Variants in HS6ST3 observed in about 807,000 individuals in gnomAD.
The protein encoded by HS6ST3 is heparan sulfate 6-O-sulfotransferase 3.
A neutral mutation model predicts 36.7 loss-of-function variants in HS6ST3; 12 were observed. The observed-to-expected ratio is 0.33, with a 90% CI of 0.21 to 0.53. The LOEUF (loss-of-function observed/expected upper bound fraction) is 0.53. Ranked by LOEUF, HS6ST3 falls within the 20% of genes least tolerant of loss-of-function variation. The pLI is 0.95. For missense variants in HS6ST3, 584 were observed against 640.9 expected (o/e 0.91, Z 0.96); for synonymous variants, 240 against 257.5 (o/e 0.93, Z 0.65).
intron 1 of HS6ST3, among the ~76,000 whole-genome samples, chr13:96,660,326 T>C (rs2056642082): frequency 6.6e-6 from 1 of 152,126 alleles, no homozygotes; most frequent in Non-Finnish European, 1.5e-5. Flanking sequence ...ATTTTGAAAA[T>C]TGTAAATTAT....
At chr13:96,597,707 G>A (rs752151827) in intron 1 of HS6ST3, among the ~76,000 whole-genome samples, 3 of 151,560 alleles carry the variant, frequency 2.0e-5, no homozygotes, top group Non-Finnish European at 2.9e-5. Flanking sequence ...ATTTATTTTC[G>A]CATTCGTTTT....
chr13:96,431,344 G>C (rs1270042411), intron 1 of HS6ST3, among the ~76,000 whole-genome samples: 1 of 151,982 alleles, frequency 6.6e-6, no homozygotes, highest in Admixed American at 6.6e-5. Flanking sequence ...TTCCTCTTTC[G>C]TTCCCTCCTC....
chr13:96,334,409 T>G (rs1408740544), intron 1 of HS6ST3, among the ~76,000 whole-genome samples: 1 of 152,190 alleles, frequency 6.6e-6, no homozygotes, highest in Non-Finnish European at 1.5e-5. Flanking sequence ...GATGCCAGCA[T>G]TATACCTCCT....
chr13:96,778,122 T>C (rs768090266), intron 1 of HS6ST3, among the ~76,000 whole-genome samples: 5 of 152,340 alleles, frequency 3.3e-5, no homozygotes, highest in Admixed American at 6.5e-5. Context: ...GACAGCCATA[T>C]GCAGAAAACT....
chr13:96,623,360 ATT>A (rs2056501523), intron 1 of HS6ST3, among the ~76,000 whole-genome samples: 1 of 151,940 alleles, frequency 6.6e-6, no homozygotes, highest in African/African-American at 2.4e-5. Flanking sequence ...ATTTTTATTC[ATT>A]ATTTTTCAGA....
chr13:96,708,900 C>G (rs979481824), intron 1 of HS6ST3, among the ~76,000 whole-genome samples: 1 of 152,180 alleles, frequency 6.6e-6, no homozygotes, highest in African/African-American at 2.4e-5. Context: ...ACCCCTGTCC[C>G]TGCCCCGTTC....
chr13:96,706,398 A>G (rs918606947), intron 1 of HS6ST3, among the ~76,000 whole-genome samples: 14 of 130,192 alleles, frequency 1.1e-4, no homozygotes, highest in African/African-American at 3.5e-4. Flanking sequence ...TATATAAAAT[A>G]TAATAGAATA....
chr13:96,680,693 G>A lies in HS6ST3; in HGVS notation c.708-151797G>A, dbSNP rs189743049. Among the ~76,000 whole-genome samples, 3 of 152,282 alleles carry A rather than the reference G, an allele frequency of 2.0e-5. No individual in the cohort carries two copies. The East Asian group carries it at 5.8e-4, about 29-fold the overall frequency. ...GGACCAACTTGTGAAGAAGACTGGC[G>A]TGAGGGGCTGACCCGCCATCTTGAC... On this transcript the variant is annotated intron_variant, in intron 1 of 1. Transcript: ENST00000376705.
At chr13:96,363,233 T>C (rs1355026112) in intron 1 of HS6ST3, among the ~76,000 whole-genome samples, 2 of 152,066 alleles carry the variant, frequency 1.3e-5, no homozygotes, top group Non-Finnish European at 2.9e-5. Flanking sequence ...TTCCATTATA[T>C]GTATGCAGGA....
intron 1 of HS6ST3, among the ~76,000 whole-genome samples, chr13:96,547,990 A>G (rs917647623): frequency 6.6e-6 from 1 of 152,154 alleles, no homozygotes; most frequent in African/African-American, 2.4e-5. Flanking sequence ...AGAAATGCAG[A>G]AAAGTGCAGA....
intron 1 of HS6ST3, among the ~76,000 whole-genome samples, chr13:96,609,388 G>C (rs890754318): frequency 1.3e-5 from 2 of 152,172 alleles, no homozygotes; most frequent in Non-Finnish European, 2.9e-5. Context: ...ATACCTTGAA[G>C]ATTTTTATAT....
chr13:96,174,009 A>G (rs2054201243), intron 1 of HS6ST3, among the ~76,000 whole-genome samples: 2 of 151,462 alleles, frequency 1.3e-5, no homozygotes, highest in African/African-American at 4.9e-5. Flanking sequence ...ATCACCTGTT[A>G]ATACTACTTT....
rs145814916 is a variant in HS6ST3, at chr13:96,699,379, A to T, written c.708-133111A>T. Among the ~76,000 whole-genome samples the T allele has an allele frequency of 5.5e-3, 832 of 152,354 alleles. 4 individuals are homozygous for T. The highest frequency in any genetic ancestry group is 0.019 in the African/African-American group (784 of 41,584). On this transcript the variant is annotated intron_variant, in intron 1 of 1. Coordinates refer to ENST00000376705, the MANE Select transcript of HS6ST3 (RefSeq NM_153456.4). Reference sequence around the variant, plus strand: ...GATAAAGGACTAATATCCAGAATCTACAATGAACTCAAACAAATTTACAAG... The same window carrying T: ...GATAAAGGACTAATATCCAGAATCTTCAATGAACTCAAACAAATTTACAAG...
chr13:96,639,879 A>G (rs2056564151), intron 1 of HS6ST3, among the ~76,000 whole-genome samples: 2 of 152,022 alleles, frequency 1.3e-5, no homozygotes, highest in Admixed American at 1.3e-4. Context: ...GCTGCAAAGG[A>G]CATGATTTCA....
At chr13:96,665,423 C>G (rs567445327) in intron 1 of HS6ST3, among the ~76,000 whole-genome samples, 13 of 152,128 alleles carry the variant, frequency 8.5e-5, no homozygotes, top group African/African-American at 3.1e-4. Context: ...ATAACTAACT[C>G]ATTTTAATTA....
In HS6ST3 at chr13:96,787,561, A is replaced by T. The variant is rs185994736; in HGVS notation, c.708-44929A>T. ...TGAGATATGTTATATGCTTATTTTC[A>T]TCTATATATCTTCTTTACTGAAATG... On this transcript the variant is annotated intron_variant, in intron 1 of 1. Transcript: ENST00000376705. 3.9e-5 allele frequency among the ~76,000 whole-genome samples: 6 copies of T among 152,082 alleles called. No homozygotes were observed. In the East Asian group the frequency reaches 1.2e-3, roughly 29 times the overall value.
chr13:96,449,418 T>A (rs2055716142), intron 1 of HS6ST3, among the ~76,000 whole-genome samples: 1 of 152,138 alleles, frequency 6.6e-6, no homozygotes, highest in Non-Finnish European at 1.5e-5. Context: ...CTGCTACCAG[T>A]CTGATGATTA....
intron 1 of HS6ST3, among the ~76,000 whole-genome samples, chr13:96,540,303 C>G (rs911360581): frequency 6.6e-6 from 1 of 152,166 alleles, no homozygotes; most frequent in Non-Finnish European, 1.5e-5. Flanking sequence ...ACAAATTTTA[C>G]CTTTCCCTAA....
At chr13:96,408,492 A>G (rs938787199) in intron 1 of HS6ST3, among the ~76,000 whole-genome samples, 2 of 152,226 alleles carry the variant, frequency 1.3e-5, no homozygotes, top group African/African-American at 4.8e-5. Flanking sequence ...TCATTTGCAC[A>G]TATTTGTTGT....
Sources: allele counts gnomAD v4.1 joint callset (sites outside exome capture counted in the v4.1 genomes callset), GRCh38; gene constraint gnomAD v4.1.1; transcripts MANE v1.5; gene names NCBI Gene and HGNC (gene_info 2026-07-23, HGNC 2026-07-21).